Variants in CILP2 observed in about 807,000 individuals in gnomAD.
CILP2 encodes the protein cartilage intermediate layer protein 2.
CILP2 carries 38 observed loss-of-function variants against 45.6 expected under a neutral mutation model. The ratio of observed to expected loss-of-function variants is 0.83; its 90% CI spans 0.64 to 1.09. The LOEUF (loss-of-function observed/expected upper bound fraction) is 1.09. Among genes scored for constraint, CILP2 ranks in the 50% least tolerant of loss-of-function variants. CILP2 has a pLI of 0.00. For synonymous variants in CILP2, 780 were observed against 723.5 expected, an observed-to-expected ratio of 1.08 and a Z score of -1.25; for missense variants, 1,735 against 1,662.2, an observed-to-expected ratio of 1.04 and a Z score of -0.76.
Position 19,542,454 on chromosome 19 carries a change from A to G in CILP2, c.672A>G (p.Leu224=), listed in dbSNP as rs1362576824. 1.2e-6 allele frequency: 2 copies of G among 1,612,788 alleles called. No homozygotes were observed. Among genetic ancestry groups the G allele is most frequent in the Non-Finnish European group, 1.7e-6 (2 of 1,180,000 alleles). Residue 224 remains leucine (L), a synonymous_variant, in exon 5 of 8, where the codon CTA becomes CTG. Coordinates refer to ENST00000291495, the MANE Select transcript of CILP2 (RefSeq NM_153221.2). ...SVVTPSGQPL[L]GARVSLRDQP... is the part of the protein sequence containing the mutation. Reference sequence around the variant, plus strand: ...TCACCCCATCTGGGCAACCACTGCTAGGAGCCAGGGTCTCCCTGCGAGACC... The same window carrying G: ...TCACCCCATCTGGGCAACCACTGCTGGGAGCCAGGGTCTCCCTGCGAGACC...
rs766085654 is a variant in CILP2, at chr19:19,545,039, G to T, written c.2494G>T (p.Val832Leu). The change falls in exon 8 of 8, where the codon GTG becomes TTG. Residue 832 changes from valine (V) to leucine (L), a missense_variant. Transcript: ENST00000291495. ...CTTGCCCCGCCCACTCCCGGCCACCGTGGGCGTCACCCAGCCCTACCTGGA... is the reference window on the plus strand; with the variant it reads ...CTTGCCCCGCCCACTCCCGGCCACCTTGGGCGTCACCCAGCCCTACCTGGA... ...PSLPRPLPATVGVTQPYLDRL... is the reference protein window; with the variant it reads ...PSLPRPLPATLGVTQPYLDRL... 59 of 1,607,674 alleles carry T rather than the reference G, an allele frequency of 3.7e-5. No individual in the cohort carries two copies. Among genetic ancestry groups the T allele is most frequent in the Admixed American group, 5.0e-5 (3 of 59,762 alleles).
intron 7 of CILP2, 107 bp from the exon 8 acceptor site, chr19:19,543,574 G>A: frequency 7.3e-7 from 1 of 1,374,976 alleles, no homozygotes; most frequent in Non-Finnish European, 1.0e-6. Context: ...ACCCTGGGCA[G>A]ACCCCTGTCC....
chr19:19,538,451 C>T (rs1296891928), intron 1 of CILP2, 38 bp downstream of exon 1: 1 of 1,444,056 alleles, frequency 6.9e-7, no homozygotes, highest in South Asian at 1.4e-5. Flanking sequence ...GCCCCTGAGG[C>T]TCCCGAGGGC....
chr19:19,542,606 C>T lies in CILP2; in HGVS notation c.824C>T (p.Ala275Val). Residue 275 changes from alanine to valine, a missense_variant, in exon 5 of 8, where the codon GCC becomes GTC. Coordinates refer to ENST00000291495, the MANE Select transcript of CILP2 (RefSeq NM_153221.2). The stretch of plus-strand genomic sequence containing the variant: ...TCTGCAGGGGAGGCCCAGGCCCAGG[C>T]CAACGGATCCATCTCTGTGGTCACC... ...GFSAGEAQAQ[A>V]NGSISVVTII... is the part of the protein sequence containing the mutation. 1.2e-6 allele frequency: 2 copies of T among 1,614,124 alleles called. No homozygotes were observed. The highest frequency in any genetic ancestry group is 1.7e-6 in the Non-Finnish European group (2 of 1,180,036).
rs2061251089 is a variant in CILP2, at chr19:19,543,297, C to T, written c.1027C>T (p.His343Tyr). The part of the protein sequence containing the change: ...LDRRAHGYGA[H>Y]LELRGLRPDQ... Reference sequence around the variant, plus strand: ...CAGGCGAGCTCATGGGTACGGGGCCCACCTGGAGCTGCGGGGACTGCGCCC... The same window carrying T: ...CAGGCGAGCTCATGGGTACGGGGCCTACCTGGAGCTGCGGGGACTGCGCCC... The change falls in exon 7 of 8, where the codon CAC (histidine) becomes TAC (tyrosine). Residue 343 changes from histidine (H) to tyrosine (Y), a missense_variant. Coordinates refer to ENST00000291495, the MANE Select transcript of CILP2 (RefSeq NM_153221.2). 6.2e-7 allele frequency: 1 copy of T among 1,613,760 alleles called. No individual in the cohort carries two copies. The highest frequency in any genetic ancestry group is 8.5e-7 in the Non-Finnish European group (1 of 1,180,004).
Position 19,545,734 on chromosome 19 carries a change from T to C in CILP2, c.3189T>C (p.Thr1063=). The change falls in exon 8 of 8, where the codon ACT becomes ACC. Residue 1063 remains threonine (T), a synonymous_variant. Coordinates refer to ENST00000291495, the MANE Select transcript of CILP2 (RefSeq NM_153221.2). ...DPLGHNYGVY[T]VTDQSPRLAK... ...TGGGCCACAACTATGGCGTCTACACTGTCACTGACCAGAGCCCACGCTTGG... is the reference window on the plus strand; with the variant it reads ...TGGGCCACAACTATGGCGTCTACACCGTCACTGACCAGAGCCCACGCTTGG... The C allele has an allele frequency of 6.2e-7, 1 of 1,613,214 alleles. No homozygotes were observed.
Position 19,543,971 on chromosome 19 carries a change from C to T in CILP2, c.1426C>T (p.Arg476Trp), listed in dbSNP as rs777622719. The change falls in exon 8 of 8, where the codon CGG becomes TGG. Residue 476 changes from arginine (R) to tryptophan (W), a missense_variant. Transcript: ENST00000291495. ...GTGTCTGCCCCCTCGGGGGCTGGTC[C>T]GGGGCCGTGTTGTGGCTGCTGACTC... ...QKCLPPRGLV[R>W]GRVVAADSGE... The T allele has an allele frequency of 5.0e-6, 8 of 1,613,350 alleles. No individual in the cohort carries two copies. The highest frequency in any genetic ancestry group is 1.1e-5 in the South Asian group (1 of 91,074).
In CILP2 at chr19:19,538,411, G is replaced by A. The variant is rs1414797384; in HGVS notation, c.62G>A (p.Arg21Gln). ...GTCGCTGCGCACCTGGCGGGGGCCCGAGGTGAGGCGCCTCCAGCCCCCGCG... is the reference window on the plus strand; with the variant it reads ...GTCGCTGCGCACCTGGCGGGGGCCCAAGGTGAGGCGCCTCCAGCCCCCGCG... ...CVVAAHLAGA[R>Q]DATPTEEPMA... The change falls in exon 1 of 8, where the codon CGA becomes CAA. Residue 21 changes from arginine to glutamine, a missense_variant and splice_region_variant. Coordinates refer to ENST00000291495, the MANE Select transcript of CILP2 (RefSeq NM_153221.2). 3.2e-6 allele frequency: 5 copies of A among 1,546,982 alleles called. No individual in the cohort carries two copies. The highest frequency in any genetic ancestry group is 4.3e-6 in the Non-Finnish European group (5 of 1,155,734).
intron 5 of CILP2, 53 bp from the exon 6 acceptor site, chr19:19,542,811 T>G: frequency 6.4e-7 from 1 of 1,564,676 alleles, no homozygotes; most frequent in Non-Finnish European, 8.8e-7. Flanking sequence ...GGGACGTTGC[T>G]CCTAGGAAGG....
chr19:19,538,388 C>T lies in CILP2; in HGVS notation c.39C>T (p.Val13=). 6.4e-7 allele frequency: 1 copy of T among 1,566,434 alleles called. No homozygotes were observed. Among genetic ancestry groups the T allele is most frequent in the Middle Eastern group, 1.7e-4 (1 of 5,746 alleles). The change falls in exon 1 of 8, where the codon GTC becomes GTT. Residue 13 remains valine (V), a synonymous_variant. Transcript: ENST00000291495. Reference sequence around the variant, plus strand: ...TGCCACTGCTCTGTCTCTGTGTCGTCGCTGCGCACCTGGCGGGGGCCCGAG... The same window carrying T: ...TGCCACTGCTCTGTCTCTGTGTCGTTGCTGCGCACCTGGCGGGGGCCCGAG... The part of the protein sequence containing the change: ...SLLPLLCLCV[V]AAHLAGARDA...
intron 1 of CILP2, among the ~76,000 whole-genome samples, chr19:19,539,435 G>A (rs1347258983): frequency 1.3e-5 from 2 of 151,928 alleles, no homozygotes; most frequent in African/African-American, 4.8e-5. Flanking sequence ...CTGGTGGAGC[G>A]TGCCTGTAAT....
intron 3 of CILP2, 126 bp downstream of exon 3, chr19:19,540,602 A>T: frequency 9.0e-7 from 1 of 1,106,582 alleles, no homozygotes; most frequent in Non-Finnish European, 1.2e-6. Context: ...GGCTGGGAAG[A>T]GCCGGGGGAC....
At chr19:19,543,465 G>C (rs1176524779) in intron 7 of CILP2, 60 bp downstream of exon 7, 2 of 1,591,750 alleles carry the variant, frequency 1.3e-6, no homozygotes, top group Non-Finnish European at 1.7e-6. Context: ...CCGGACTGTA[G>C]CTAAGCTCAA....
At position 19,546,184 on chromosome 19, in the gene CILP2, A is replaced by G. The variant is rs2061264880; in HGVS notation, c.*168A>G. The G allele has an allele frequency of 3.9e-6, 2 of 506,792 alleles. No homozygotes were observed. The highest frequency in any genetic ancestry group is 3.1e-5 in the East Asian group (1 of 31,764). 31.4% of individuals were successfully genotyped at this position (506,792 alleles called of 1,614,324 possible). A position where few individuals can be genotyped will look rare whatever the true frequency, so the allele number is the denominator to read the frequency against. On this transcript the variant is annotated 3_prime_UTR_variant, in exon 8 of 8. Transcript: ENST00000291495. ...AAGAACCCAGAGCATCCGATGGTAG[A>G]AACACCAGGAAGACAATTGTTGCTG...
intron 5 of CILP2, 67 bp downstream of exon 5, chr19:19,542,717 T>C: frequency 7.4e-7 from 1 of 1,357,094 alleles, no homozygotes; most frequent in Non-Finnish European, 1.0e-6. Context: ...TAGCACTCGA[T>C]CAAGAGAGGA....
In CILP2 at chr19:19,542,872, T is replaced by C; in HGVS notation, c.877T>C (p.Tyr293His). 1.2e-6 allele frequency: 2 copies of C among 1,613,362 alleles called. No individual in the cohort carries two copies. Among genetic ancestry groups the C allele is most frequent in the Non-Finnish European group, 1.7e-6 (2 of 1,179,330 alleles). Reference protein sequence around the residue: ...TIILDKLEKPYLVKHPESRVR... With the variant: ...TIILDKLEKPHLVKHPESRVR... ...ACCACCTTTGACCCCAGAGAAGCCG[T>C]ACCTGGTGAAACACCCTGAGTCCCG... The change falls in exon 6 of 8, where the codon TAC becomes CAC. Residue 293 changes from tyrosine (Y) to histidine (H), a missense_variant. Tyr to His is a moderately conservative substitution (Grantham distance 83). Transcript: ENST00000291495.
Position 19,546,007 on chromosome 19 carries a change from C to G in CILP2, c.3462C>G (p.Val1154=). ...SGPLRTRRGR[V]RQ Reference sequence around the variant, plus strand: ...CCCTCCGCACCCGCCGGGGTAGGGTCCGGCAGTGACCTGGGCAGGGGCCTC... The same window carrying G: ...CCCTCCGCACCCGCCGGGGTAGGGTGCGGCAGTGACCTGGGCAGGGGCCTC... The change falls in exon 8 of 8, where the codon GTC becomes GTG. Residue 1154 remains valine, a synonymous_variant. Coordinates refer to ENST00000291495, the MANE Select transcript of CILP2 (RefSeq NM_153221.2). 1.3e-6 allele frequency: 2 copies of G among 1,481,756 alleles called. No homozygotes were observed. Among genetic ancestry groups the G allele is most frequent in the Non-Finnish European group, 1.8e-6 (2 of 1,118,050 alleles). 91.8% of individuals were successfully genotyped at this position (1,481,756 alleles called of 1,614,324 possible). A position where few individuals can be genotyped will look rare whatever the true frequency, so the allele number is the denominator to read the frequency against.
rs1325054198 is a variant in CILP2 at position 19,544,941 on chromosome 19, C to G, written c.2396C>G (p.Ala799Gly). Residue 799 changes from alanine to glycine, a missense_variant, in exon 8 of 8, where the codon GCC becomes GGC. Coordinates refer to ENST00000291495, the MANE Select transcript of CILP2 (RefSeq NM_153221.2). ...GCCTGCCTCCCCGCCTTCTGCGACGCCGACAGGCCAGACGCCTACACCGCC... is the reference window on the plus strand; with the variant it reads ...GCCTGCCTCCCCGCCTTCTGCGACGGCGACAGGCCAGACGCCTACACCGCC... ...NGACLPAFCD[A>G]DRPDAYTALV... 1 of 1,593,300 alleles carries G rather than the reference C, an allele frequency of 6.3e-7. No individual in the cohort carries two copies. Among genetic ancestry groups the G allele is most frequent in the African/African-American group, 1.3e-5 (1 of 74,738 alleles).
Position 19,545,134 on chromosome 19 carries a change from C to T in CILP2, c.2589C>T (p.Leu863=), listed in dbSNP as rs371426580. The T allele has an allele frequency of 1.4e-5, 22 of 1,612,184 alleles. No homozygotes were observed. In the African/African-American group the frequency reaches 2.3e-4, roughly 17 times the overall value. The change falls in exon 8 of 8, where the codon CTC becomes CTT. Residue 863 remains leucine (L), a synonymous_variant. Transcript: ENST00000291495. The stretch of plus-strand genomic sequence containing the variant: ...AGCGTAACGGCTTCCGCATCAACCT[C>T]GCCAAGCCCAGGCCAGGTGACCCCG... ...AFKRNGFRIN[L]AKPRPGDPAE...
Sources: gnomAD v4.1 joint callset for allele counts (sites outside exome capture counted in the v4.1 genomes callset) on GRCh38, gnomAD v4.1.1 for gene constraint, MANE v1.5 for transcripts, NCBI Gene and HGNC (gene_info 2026-07-23, HGNC 2026-07-21) for gene names.